The following DLC1 variants were observed in gnomAD, a reference collection of about 807,000 sequenced individuals.
DLC1 encodes DLC1 Rho GTPase activating protein.
DLC1 carries 54 observed loss-of-function variants against 140.3 expected under a neutral mutation model. The observed-to-expected ratio is 0.38, with a 90% CI of 0.31 to 0.48. The LOEUF is 0.48. Ranked by LOEUF, DLC1 falls within the 20% of genes least tolerant of loss-of-function variation. The pLI is 0.96. For synonymous variants in DLC1, 986 were observed against 728.1 expected, an observed-to-expected ratio of 1.35 and a Z score of -5.70; for missense variants, 2,536 against 1,907.0, an observed-to-expected ratio of 1.33 and a Z score of -6.14.
chr8:13,207,755 G>A (rs145535762), intron 5 of DLC1, among the ~76,000 whole-genome samples: 1 of 152,172 alleles, frequency 6.6e-6, no homozygotes, highest in African/African-American at 2.4e-5. Flanking sequence ...AGGTACTGCC[G>A]ACATACAGTT....
chr8:13,272,154 AAG>A lies in DLC1; in HGVS notation c.1348+33113_1348+33114del, dbSNP rs372319303. Among the ~76,000 whole-genome samples, 447 of 152,342 alleles carry A rather than the reference AAG, an allele frequency of 2.9e-3. 1 individual carries two copies. The highest frequency in any genetic ancestry group is 0.01 in the African/African-American group (419 of 41,576). ...TTACTTTATAAGATGTTGTTAAATAAAGACTAGTATTGGCCAGGCCCAGTGGC... is the reference window on the plus strand; with the variant it reads ...TTACTTTATAAGATGTTGTTAAATAAACTAGTATTGGCCAGGCCCAGTGGC... On this transcript the variant is annotated intron_variant, in intron 5 of 17. Coordinates refer to ENST00000276297, the MANE Select transcript of DLC1 (RefSeq NM_182643.3).
At chr8:13,391,304 G>GT (rs1836751159) in intron 4 of DLC1, among the ~76,000 whole-genome samples, 1 of 152,184 alleles carries the variant, frequency 6.6e-6, no homozygotes, top group Admixed American at 6.5e-5. Context: ...TGGCTGATGA[G>GT]TTGTGGCATG....
chr8:13,183,170 C>G (rs995794456), intron 5 of DLC1, among the ~76,000 whole-genome samples: 1 of 152,252 alleles, frequency 6.6e-6, no homozygotes, highest in East Asian at 1.9e-4. Flanking sequence ...GATTTTGTAT[C>G]CTGAGACTTT....
rs12542826 is a variant in DLC1 at position 13,154,864 on chromosome 8, A to C, written c.1349-39207T>G. On this transcript the variant is annotated intron_variant, in intron 5 of 17. Transcript: ENST00000276297. ...TTTCACTTAGAAATAAGCGCTATTA[A>C]AATTTTGATAGGTAGATAAGGGAAT... Among the ~76,000 whole-genome samples the C allele has an allele frequency of 2.6e-5, 4 of 152,216 alleles. No homozygotes were observed. In the East Asian group the frequency reaches 7.7e-4, roughly 29 times the overall value.
rs5889455 is a variant in DLC1 at position 13,586,589 on chromosome 8, G to GCGCACA, written c.-126+17947_-126+17948insTGTGCG. ...TTTAGAGAATAATGCAGATGCACATGCACACACACACACACACACACACAC... is the reference window on the plus strand; with the variant it reads ...TTTAGAGAATAATGCAGATGCACATGCGCACACACACACACACACACACACACACAC... On this transcript the variant is annotated intron_variant, in intron 1 of 1. Coordinates refer to the DLC1 transcript ENST00000631382. Among the ~76,000 whole-genome samples, 5 of 143,048 alleles carry GCGCACA rather than the reference G, an allele frequency of 3.5e-5. No homozygotes were observed. The East Asian group carries it at 6.5e-4, about 18-fold the overall frequency. 93.8% of individuals were successfully genotyped at this position (143,048 alleles called of 152,430 possible). A position where few individuals can be genotyped will look rare whatever the true frequency, so the allele number is the denominator to read the frequency against.
At chr8:13,598,642 G>A (rs1049643513) in intron 1 of DLC1, among the ~76,000 whole-genome samples, 1 of 151,928 alleles carries the variant, frequency 6.6e-6, no homozygotes, top group African/African-American at 2.4e-5. Context: ...ACATTTGCAT[G>A]CACTATTTTT....
At chr8:13,515,109 A>C (rs572575591), upstream of DLC1, among the ~76,000 whole-genome samples, 1 of 152,140 alleles carries the variant, frequency 6.6e-6, no homozygotes, top group South Asian at 2.1e-4. Flanking sequence ...AAAAGAAAGA[A>C]AGAAAGAAAG....
At chr8:13,157,791 T>C (rs1307836419) in intron 5 of DLC1, among the ~76,000 whole-genome samples, 1 of 152,244 alleles carries the variant, frequency 6.6e-6, no homozygotes, top group Non-Finnish European at 1.5e-5. Context: ...ATAATTTTTA[T>C]TACACTTGGA....
At chr8:13,319,689 G>A (rs1295326540) in intron 4 of DLC1, among the ~76,000 whole-genome samples, 2 of 152,038 alleles carry the variant, frequency 1.3e-5, no homozygotes, top group African/African-American at 2.4e-5. Context: ...GTGTGGAATC[G>A]TCAGCCAATT....
At chr8:13,232,277 C>G (rs1253583524) in intron 5 of DLC1, among the ~76,000 whole-genome samples, 2 of 152,150 alleles carry the variant, frequency 1.3e-5, no homozygotes, top group Non-Finnish European at 2.9e-5. Flanking sequence ...CGCTCACACA[C>G]ACAGGGTAAA....
intron 5 of DLC1, among the ~76,000 whole-genome samples, chr8:13,301,041 A>G (rs1586095280): frequency 6.6e-6 from 1 of 152,282 alleles, no homozygotes; most frequent in Middle Eastern, 3.4e-3. Context: ...GAGCGGCAGG[A>G]GAACCCAGGC....
In DLC1 at chr8:13,389,517, C is replaced by G. The variant is rs937385288; in HGVS notation, c.1314+4036G>C. Among the ~76,000 whole-genome samples, 2 of 152,140 alleles carry G rather than the reference C, an allele frequency of 1.3e-5. 1 individual carries two copies. The highest frequency in any genetic ancestry group is 1.3e-4 in the Admixed American group (2 of 15,274). On this transcript the variant is annotated intron_variant, in intron 4 of 17. Transcript: ENST00000276297. ...GGTAACATGACACCATAAGCCTCTT[C>G]TTTTTTCTAATGTGTTTTTTGACAG...
chr8:13,318,518 C>G (rs1832949880), intron 4 of DLC1, among the ~76,000 whole-genome samples: 1 of 152,216 alleles, frequency 6.6e-6, no homozygotes, highest in South Asian at 2.1e-4. Flanking sequence ...CCCTTCTCTT[C>G]TATCCAGCCT....
chr8:13,457,453 C>T (rs1292172251), intron 2 of DLC1, among the ~76,000 whole-genome samples: 4 of 151,782 alleles, frequency 2.6e-5, no homozygotes, highest in African/African-American at 7.3e-5. Flanking sequence ...CCGAGGCAGG[C>T]AGATCATGAG....
intron 5 of DLC1, among the ~76,000 whole-genome samples, chr8:13,163,097 G>A (rs1278504658): frequency 6.6e-6 from 1 of 152,118 alleles, no homozygotes; most frequent in Non-Finnish European, 1.5e-5. Context: ...ACATGAAGAG[G>A]CTGAAAGACA....
intron 4 of DLC1, among the ~76,000 whole-genome samples, chr8:13,306,927 T>C (rs1444951757): frequency 1.3e-5 from 2 of 151,282 alleles, no homozygotes; most frequent in Non-Finnish European, 3.0e-5. Context: ...CTACTAAAAA[T>C]ACAAAAATTA....
At chr8:13,239,544 A>C (rs1175467441) in intron 5 of DLC1, among the ~76,000 whole-genome samples, 1 of 152,074 alleles carries the variant, frequency 6.6e-6, no homozygotes, top group Non-Finnish European at 1.5e-5. Context: ...AGCTTTTTTC[A>C]CTGTGTAATG....
rs11989579 is a variant in DLC1, at chr8:13,332,008, G to C, written c.1315-26706C>G. 3.1e-3 allele frequency among the ~76,000 whole-genome samples: 478 copies of C among 152,270 alleles called. 2 individuals carry two copies. Among genetic ancestry groups the C allele is most frequent in the African/African-American group, 0.011 (454 of 41,538 alleles). On this transcript the variant is annotated intron_variant, in intron 4 of 17. Coordinates refer to ENST00000276297, the MANE Select transcript of DLC1 (RefSeq NM_182643.3). ...CTCAAACCATGTTAGGTTGATGTCA[G>C]CTTCCACAAAATGACGAACTATTAT...
At chr8:13,453,422 A>ATTTTTTTTTTTTTTTTTTTTTTTTTT (rs1554523043) in intron 2 of DLC1, among the ~76,000 whole-genome samples, 10 of 32,566 alleles carry the variant, frequency 3.1e-4, no homozygotes, top group South Asian at 1.1e-3. Context: ...ATATATATAT[A>ATTTTTTTTTTTTTTTTTTTTTTTTTT]TGTGTATATA....
Sources: gnomAD v4.1 joint callset for allele counts (sites outside exome capture counted in the v4.1 genomes callset) on GRCh38, gnomAD v4.1.1 for gene constraint, MANE v1.5 for transcripts, NCBI Gene and HGNC (gene_info 2026-07-23, HGNC 2026-07-21) for gene names.